The following GALNS variants were observed in gnomAD, a reference collection of about 807,000 sequenced individuals.
GALNS encodes N-acetylgalactosamine-6-sulfatase.
GALNS carries 65 observed loss-of-function variants against 65.9 expected under a neutral mutation model. The observed-to-expected ratio is 0.99, with a 90% CI of 0.81 to 1.21. The LOEUF (loss-of-function observed/expected upper bound fraction) is 1.21, where lower values mean the gene tolerates loss of function less well. Among genes scored for constraint, GALNS ranks in the 50% most tolerant of loss-of-function variants. The pLI is 0.00. For synonymous variants in GALNS, 346 were observed against 288.9 expected, an observed-to-expected ratio of 1.20 and a Z score of -2.00; for missense variants, 776 against 700.7, an observed-to-expected ratio of 1.11 and a Z score of -1.21.
intron 2 of GALNS, 61 bp from the exon 3 acceptor site, chr16:88,842,032 TCAA>T: frequency 1.4e-6 from 2 of 1,454,492 alleles, no homozygotes; most frequent in Non-Finnish European, 1.9e-6. Context: ...ACCCCGGGCG[TCAA>T]CAAGAGCCCC....
chr16:88,820,596 C>G (rs1259090489), intron 12 of GALNS, among the ~76,000 whole-genome samples: 1 of 152,248 alleles, frequency 6.6e-6, no homozygotes, highest in African/African-American at 2.4e-5. Context: ...CTGGGAAGCT[C>G]TGCCTGCTGC....
At chr16:88,837,494 C>A in intron 5 of GALNS, 128 bp downstream of exon 5, 1 of 966,830 alleles carries the variant, frequency 1.0e-6, no homozygotes, top group Admixed American at 2.0e-5. Context: ...CCCTCGGTGC[C>A]CGGGGACCCA....
intron 4 of GALNS, chr16:88,838,711 G>A (rs1358869824): frequency 6.6e-6 from 1 of 152,322 alleles, no homozygotes; most frequent in African/African-American, 2.4e-5. Flanking sequence ...CTGCTCTTCA[G>A]AACGGGCTGC....
intron 9 of GALNS, among the ~76,000 whole-genome samples, chr16:88,829,520 G>A (rs1209393654): frequency 6.6e-6 from 1 of 152,228 alleles, no homozygotes; most frequent in Non-Finnish European, 1.5e-5. Context: ...TCCCATGTCA[G>A]ACAAAGGCTG....
At chr16:88,853,477 G>A (rs1435496680) in intron 1 of GALNS, among the ~76,000 whole-genome samples, 2 of 152,160 alleles carry the variant, frequency 1.3e-5, no homozygotes, top group Non-Finnish European at 2.9e-5. Context: ...GACTCTGGTG[G>A]CTCGACGAGG....
At chr16:88,820,134 G>A (rs1022417678) in intron 12 of GALNS, among the ~76,000 whole-genome samples, 3 of 149,516 alleles carry the variant, frequency 2.0e-5, no homozygotes, top group Admixed American at 1.3e-4. Context: ...TGGCCCCGTC[G>A]TCTTTTTTTC....
rs112538691 is a variant in GALNS at position 88,814,208 on chromosome 16, G to C, written c.*231C>G. The C allele has an allele frequency of 1.4e-4, 84 of 610,628 alleles. No individual in the cohort carries two copies. The African/African-American group carries it at 1.4e-3, about 10-fold the overall frequency. 37.8% of individuals were successfully genotyped at this position (610,628 alleles called of 1,614,324 possible). ...AGGGTCCTGAGGTCTGAGGCGCCGT[G>C]GGCGAGGAGGAGGGTCCTGAAATCT... is the stretch of plus-strand genomic sequence containing the variant. On this transcript the variant is annotated 3_prime_UTR_variant, in exon 14 of 14. Transcript: ENST00000268695.
Position 88,855,293 on chromosome 16 carries a change from A to G in GALNS, c.120+1465T>C. The G allele has an allele frequency of 4.3e-6, 3 of 699,916 alleles. No homozygotes were observed. The South Asian group carries it at 4.5e-5, about 10-fold the overall frequency. 43.4% of individuals were successfully genotyped at this position (699,916 alleles called of 1,614,324 possible). On this transcript the variant is annotated intron_variant, in intron 1 of 13. Transcript: ENST00000268695. ...CAGGGAGGCTTCACCTGCAGAGCCC[A>G]GCTCATCCAGCGAAGCTATGCTGGC...
intron 8 of GALNS, among the ~76,000 whole-genome samples, chr16:88,833,601 G>A (rs910036636): frequency 1.3e-5 from 2 of 152,116 alleles, no homozygotes; most frequent in South Asian, 4.2e-4. Context: ...ACAGGTGCCC[G>A]CCACCACGCC....
At chr16:88,837,872 C>G in intron 4 of GALNS, 107 bp from the exon 5 acceptor site, 1 of 1,175,124 alleles carries the variant, frequency 8.5e-7, no homozygotes, top group South Asian at 1.3e-5. Flanking sequence ...AGACGAGCAC[C>G]CTCCAGCACT....
At position 88,822,545 on chromosome 16, in the gene GALNS, G is replaced by A. The variant is rs754055321; in HGVS notation, c.1364+44C>T. 38 of 1,610,014 alleles carry A rather than the reference G, an allele frequency of 2.4e-5. No individual in the cohort carries two copies. The Admixed American group carries it at 2.8e-4, about 12-fold the overall frequency. ...GTGGAGCCTGCATTTGGGGGAGTCC[G>A]GCTGGCACTGCCTCAGCAGCCAGGA... On this transcript the variant is annotated intron_variant, in intron 12 of 13. Coordinates refer to ENST00000268695, the MANE Select transcript of GALNS (RefSeq NM_000512.5).
At chr16:88,841,750 A>G in intron 3 of GALNS, 147 bp downstream of exon 3, 2 of 744,312 alleles carry the variant, frequency 2.7e-6, no homozygotes, top group Admixed American at 4.0e-5. Context: ...GGGGGCCTGC[A>G]CTTCCACCTA....
At chr16:88,854,500 T>A (rs1967676844) in intron 1 of GALNS, among the ~76,000 whole-genome samples, 1 of 152,196 alleles carries the variant, frequency 6.6e-6, no homozygotes, top group South Asian at 2.1e-4. Flanking sequence ...GCAGATGAGA[T>A]GATCAGGGGC....
chr16:88,831,000 A>C (rs1911444311), intron 9 of GALNS, among the ~76,000 whole-genome samples: 1 of 152,214 alleles, frequency 6.6e-6, no homozygotes, highest in Non-Finnish European at 1.5e-5. Flanking sequence ...TAAGTCCTGC[A>C]GGGAAGAAAC....
intron 1 of GALNS, among the ~76,000 whole-genome samples, chr16:88,847,767 A>C (rs1967317765): frequency 6.6e-6 from 1 of 152,248 alleles, no homozygotes; most frequent in Non-Finnish European, 1.5e-5. Context: ...CCATGTAAGA[A>C]CGTGACACGC....
At chr16:88,825,201 GCCTGGGTGTCTGGGGC>G in intron 10 of GALNS, among the ~76,000 whole-genome samples, 1 of 130,010 alleles carries the variant, frequency 7.7e-6, no homozygotes, top group Non-Finnish European at 1.6e-5. Context: ...TGTCTAGGGT[GCCTGGGTGTCTGGGGC>G]GCCTGGGTGT....
In GALNS at chr16:88,841,908, T is replaced by C. The variant is rs757322211; in HGVS notation, c.308A>G (p.His103Arg). The change falls in exon 3 of 14, where the codon CAT (histidine) becomes CGT (arginine). Residue 103 changes from histidine to arginine, a missense_variant. Physicochemically the swap from His to Arg is conservative, Grantham distance 29 (BLOSUM62 0). Transcript: ENST00000268695. ...GGTGGGCAGCCTACCGTTTCTGGCA[T>C]GGGCGTTGGTGGTGTAGAAGCCATT... The part of the protein sequence containing the change: ...IRNGFYTTNA[H>R]ARNAYTPQEI... The C allele has an allele frequency of 4.3e-6, 7 of 1,613,196 alleles. No individual in the cohort carries two copies. The highest frequency in any genetic ancestry group is 2.2e-5 in the South Asian group (2 of 90,900).
intron 12 of GALNS, among the ~76,000 whole-genome samples, chr16:88,821,127 T>C (rs1186031697): frequency 6.6e-6 from 1 of 152,018 alleles, no homozygotes; most frequent in East Asian, 1.9e-4. Flanking sequence ...CATATGACCA[T>C]GAACTGGGGC....
At chr16:88,855,956 C>G (rs1442835408) in intron 1 of GALNS, 3 of 580,302 alleles carry the variant, frequency 5.2e-6, no homozygotes, top group East Asian at 2.9e-5. Flanking sequence ...TGTAACCCCC[C>G]AGGTGTGGCA....
Sources: allele counts gnomAD v4.1 joint callset (sites outside exome capture counted in the v4.1 genomes callset), GRCh38; gene constraint gnomAD v4.1.1; transcripts MANE v1.5; gene names NCBI Gene and HGNC (gene_info 2026-07-23, HGNC 2026-07-21).